ATP8B1: variants seen among roughly 807,000 people sequenced by gnomAD.
The protein encoded by ATP8B1 is ATPase phospholipid transporting 8B1.
In ATP8B1, 80 loss-of-function variants were observed where a neutral mutation model predicts 149.9. The ratio of observed to expected loss-of-function variants is 0.53; its 90% CI spans 0.45 to 0.64. The LOEUF is 0.64. Among genes scored for constraint, ATP8B1 ranks in the 30% least tolerant of loss-of-function variants. The probability of loss-of-function intolerance (pLI) is 0.00; values close to 1 mark genes in which losing one functional copy is unlikely to be tolerated. For synonymous variants in ATP8B1, 536 were observed against 562.8 expected (o/e 0.95, Z 0.67); for missense variants, 1,247 against 1,552.6 (o/e 0.80, Z 3.31).
At chr18:57,653,286 T>C (rs1294902992) in intron 24 of ATP8B1, among the ~76,000 whole-genome samples, 31 of 146,772 alleles carry the variant, frequency 2.1e-4, no homozygotes, top group South Asian at 1.3e-3. Context: ...TCTTTTCTTT[T>C]TTTTTTTTTT....
intron 15 of ATP8B1, among the ~76,000 whole-genome samples, chr18:57,683,500 C>T (rs1912085695): frequency 6.6e-6 from 1 of 152,200 alleles, no homozygotes; most frequent in South Asian, 2.1e-4. Context: ...GGCTTGTTCC[C>T]ATGAAATTCA....
In ATP8B1 at chr18:57,783,944, A is replaced by G. The variant is rs545961522; in HGVS notation, c.-26+19054T>C. On this transcript the variant is annotated intron_variant, in intron 1 of 27. Transcript: ENST00000648908. ...TGGTGACAGAGCTGTTGTCATTTCA[A>G]CAGTATTTCTGGGCTTCCCCTGTTC... Among the ~76,000 whole-genome samples the G allele has an allele frequency of 1.2e-3, 183 of 152,326 alleles. 1 individual carries two copies. Among genetic ancestry groups the G allele is most frequent in the Non-Finnish European group, 2.0e-3 (138 of 68,028 alleles).
Position 57,732,129 on chromosome 18 carries a change from G to GTGTATATATGTATA in ATP8B1, c.-25-298_-25-297insTATACATATATACA, listed in dbSNP as rs1568043898. ...TATATGTATATATGTATATATATGT[G>GTGTATATATGTATA]TATATGTATATATGTGTATATATGT... On this transcript the variant is annotated intron_variant, in intron 1 of 27. Coordinates refer to ENST00000648908, the MANE Select transcript of ATP8B1 (RefSeq NM_001374385.1). 24 of 41,472 alleles carry GTGTATATATGTATA rather than the reference G, an allele frequency of 5.8e-4. 5 individuals are homozygous for GTGTATATATGTATA. Among genetic ancestry groups the GTGTATATATGTATA allele is most frequent in the African/African-American group, 1.9e-3 (24 of 12,798 alleles). The allele number at this position is 41,472 out of a possible 1,614,324, so 2.6% of individuals were successfully genotyped here. A position where few individuals can be genotyped will look rare whatever the true frequency, so the allele number is the denominator to read the frequency against.
chr18:57,735,140 A>AAAT (rs958213279), intron 1 of ATP8B1: 7 of 153,118 alleles, frequency 4.6e-5, no homozygotes, highest in African/African-American at 1.7e-4. Flanking sequence ...TCACTCTATT[A>AAAT]AATCTTGCAG....
intron 1 of ATP8B1, among the ~76,000 whole-genome samples, chr18:57,742,878 C>T (rs1032608667): frequency 1.2e-4 from 18 of 151,666 alleles, no homozygotes; most frequent in Admixed American, 3.3e-4. Context: ...TGTACAACTT[C>T]AATGCGGTCA....
intron 3 of ATP8B1, 140 bp from the exon 4 acceptor site, chr18:57,704,808 G>T: frequency 1.5e-6 from 1 of 685,662 alleles, no homozygotes; most frequent in Non-Finnish European, 2.6e-6. Context: ...TTTTGTCTGG[G>T]TGCGGTGGCT....
rs1471839009 is a variant in ATP8B1 at position 57,646,595 on chromosome 18, A to G, written c.*1893T>C. On this transcript the variant is annotated 3_prime_UTR_variant, in exon 28 of 28. Coordinates refer to ENST00000648908, the MANE Select transcript of ATP8B1 (RefSeq NM_001374385.1). ...AACAGTATGTCTTTGACACATTTGC[A>G]TTGTCAATCTTTCCCACAATTTGCA... 6.6e-6 allele frequency: 1 copy of G among 152,656 alleles called. No homozygotes were observed. The highest frequency in any genetic ancestry group is 2.4e-5 in the African/African-American group (1 of 41,454). 9.5% of individuals were successfully genotyped at this position (152,656 alleles called of 1,614,324 possible).
chr18:57,693,914 G>A (rs1338358844), intron 11 of ATP8B1, among the ~76,000 whole-genome samples: 1 of 152,112 alleles, frequency 6.6e-6, no homozygotes, highest in Non-Finnish European at 1.5e-5. Flanking sequence ...AGAATTAAGT[G>A]CCTATTGTGT....
At chr18:57,789,702 A>G (rs2080442871) in intron 1 of ATP8B1, among the ~76,000 whole-genome samples, 1 of 152,174 alleles carries the variant, frequency 6.6e-6, no homozygotes, top group Non-Finnish European at 1.5e-5. Flanking sequence ...GCAACCCTGT[A>G]TCAGCCCTCC....
intron 2 of ATP8B1, among the ~76,000 whole-genome samples, chr18:57,718,283 C>T (rs1387170285): frequency 6.6e-6 from 1 of 151,870 alleles, no homozygotes; most frequent in Non-Finnish European, 1.5e-5. Flanking sequence ...TTCCTAGATA[C>T]ATAAAACCTA....
At chr18:57,756,526 C>T (rs1344230069) in intron 1 of ATP8B1, among the ~76,000 whole-genome samples, 2 of 152,004 alleles carry the variant, frequency 1.3e-5, no homozygotes, top group Non-Finnish European at 2.9e-5. Flanking sequence ...GTCTCGAACT[C>T]CTGACCTCAG....
chr18:57,719,734 A>G (rs2079621921), intron 2 of ATP8B1, among the ~76,000 whole-genome samples: 1 of 152,222 alleles, frequency 6.6e-6, no homozygotes. Flanking sequence ...GCAGCCGGGA[A>G]GCTCGAACTG....
At position 57,786,760 on chromosome 18, in the gene ATP8B1, C is replaced by T. The variant is rs935844155; in HGVS notation, c.-26+16238G>A. Reference sequence around the variant, plus strand: ...CCTCCCAAAGTGCTGGGATTACAGGCGTGAGCCACTGTGCCCAGCCAAGCC... The same window carrying T: ...CCTCCCAAAGTGCTGGGATTACAGGTGTGAGCCACTGTGCCCAGCCAAGCC... On this transcript the variant is annotated intron_variant, in intron 1 of 27. Transcript: ENST00000648908. Among the ~76,000 whole-genome samples, 5 of 152,294 alleles carry T rather than the reference C, an allele frequency of 3.3e-5. No homozygotes were observed. The East Asian group carries it at 7.7e-4, about 23-fold the overall frequency.
Position 57,667,119 on chromosome 18 carries a change from G to A in ATP8B1, c.2258C>T (p.Thr753Ile), listed in dbSNP as rs748391460. Residue 753 changes from threonine to isoleucine, a missense_variant, in exon 20 of 28, where the codon ACC becomes ATC. Around this residue, in one of 3 missense-constraint regions of ATP8B1, gnomAD observed 853 missense variants for 1,035.7 expected, o/e 0.82. Transcript: ENST00000648908. ...AATATCCTCCCCATAGCAGATGGTG[G>A]TGTCTTCAGTCAGAAGTTCACAAGC... ...GFACELLTED[T>I]TICYGEDINS... 6.2e-7 allele frequency: 1 copy of A among 1,613,314 alleles called. No homozygotes were observed. Among genetic ancestry groups the A allele is most frequent in the South Asian group, 1.1e-5 (1 of 91,070 alleles).
rs557669295 is a variant in ATP8B1, at chr18:57,754,776, C to A, written c.-25-22944G>T. Among the ~76,000 whole-genome samples the A allele has an allele frequency of 2.0e-5, 3 of 152,244 alleles. No homozygotes were observed. The East Asian group carries it at 5.8e-4, about 29-fold the overall frequency. ...TTAATAGCAAGGGAAATACCTAACT[C>A]GTAACCTACTGTCTCAGGCCACAGG... On this transcript the variant is annotated intron_variant, in intron 1 of 27. Transcript: ENST00000648908.
chr18:57,722,011 G>A lies in ATP8B1; in HGVS notation c.181+9616C>T, dbSNP rs867382432. Reference sequence around the variant, plus strand: ...CCTGAATGACTACTGGGTACATAACGAAATGAAGGCAGAAATAAAGATGTT... The same window carrying A: ...CCTGAATGACTACTGGGTACATAACAAAATGAAGGCAGAAATAAAGATGTT... On this transcript the variant is annotated intron_variant, in intron 2 of 27. Coordinates refer to ENST00000648908, the MANE Select transcript of ATP8B1 (RefSeq NM_001374385.1). 3.7e-3 allele frequency among the ~76,000 whole-genome samples: 495 copies of A among 133,700 alleles called. 2 individuals carry two copies. The highest frequency in any genetic ancestry group is 4.5e-3 in the Non-Finnish European group (285 of 63,830). 87.7% of individuals were successfully genotyped at this position (133,700 alleles called of 152,430 possible). A position where few individuals can be genotyped will look rare whatever the true frequency, so the allele number is the denominator to read the frequency against.
intron 1 of ATP8B1, among the ~76,000 whole-genome samples, chr18:57,760,347 T>C (rs905677945): frequency 6.6e-6 from 1 of 152,206 alleles, no homozygotes; most frequent in Admixed American, 6.5e-5. Flanking sequence ...TGCTTCTACA[T>C]GTCCTAGAAC....
intron 1 of ATP8B1, among the ~76,000 whole-genome samples, chr18:57,751,570 A>G (rs2080020260): frequency 6.6e-6 from 1 of 152,162 alleles, no homozygotes; most frequent in Admixed American, 6.5e-5. Context: ...CCATAGGTCA[A>G]ATGGGGATCT....
At position 57,648,526 on chromosome 18, in the gene ATP8B1, C is replaced by A; in HGVS notation, c.3718G>T (p.Asp1240Tyr). The A allele has an allele frequency of 3.7e-6, 6 of 1,611,482 alleles. No individual in the cohort carries two copies. Among genetic ancestry groups the A allele is most frequent in the Non-Finnish European group, 5.1e-6 (6 of 1,179,996 alleles). The part of the protein sequence containing the change: ...KRSPLDAIVA[D>Y]GTAEYRRTGD... ...GTGCGCCTGTACTCCGCGGTGCCAT[C>A]CGCCACGATGGCATCAAGCGGCGAG... The change falls in exon 28 of 28, where the codon GAT becomes TAT. Residue 1240 changes from aspartate (D) to tyrosine (Y), a missense_variant. Around this residue, in one of 3 missense-constraint regions of ATP8B1, gnomAD observed 164 missense variants for 160.3 expected, o/e 1.02. Coordinates refer to ENST00000648908, the MANE Select transcript of ATP8B1 (RefSeq NM_001374385.1).
Sources: gnomAD v4.1 joint callset for allele counts (sites outside exome capture counted in the v4.1 genomes callset) on GRCh38, gnomAD v4.1.1 for gene constraint, gnomAD v4.1.1 regional missense constraint, MANE v1.5 for transcripts, NCBI Gene and HGNC (gene_info 2026-07-23, HGNC 2026-07-21) for gene names.